Variants in GPR158 observed in about 807,000 individuals in gnomAD.
The protein encoded by GPR158 is metabotropic glycine receptor.
A neutral mutation model predicts 78.2 loss-of-function variants in GPR158; 30 were observed. That is an observed-to-expected ratio of 0.38 (90% CI 0.29 to 0.52). The LOEUF (loss-of-function observed/expected upper bound fraction) is 0.52. Ranked by LOEUF, GPR158 falls within the 20% of genes least tolerant of loss-of-function variation. The pLI, the probability that GPR158 is intolerant of heterozygous loss-of-function variation, is 0.83. For synonymous variants in GPR158, 581 were observed against 591.1 expected (o/e 0.98, Z 0.25); for missense variants, 1,463 against 1,523.5 (o/e 0.96, Z 0.66).
intron 2 of GPR158, among the ~76,000 whole-genome samples, chr10:25,390,202 G>A (rs1834275265): frequency 6.6e-6 from 1 of 152,134 alleles, no homozygotes; most frequent in Non-Finnish European, 1.5e-5. Context: ...GACTAATACA[G>A]TAAATTGGTA....
chr10:25,216,049 A>G (rs1238605356), intron 1 of GPR158, among the ~76,000 whole-genome samples: 1 of 152,222 alleles, frequency 6.6e-6, no homozygotes, highest in Non-Finnish European at 1.5e-5. Context: ...ATTGTCCTTC[A>G]AAACTGACCA....
At chr10:25,362,148 G>A (rs1415955565) in intron 2 of GPR158, among the ~76,000 whole-genome samples, 2 of 151,904 alleles carry the variant, frequency 1.3e-5, no homozygotes, top group African/African-American at 4.8e-5. Flanking sequence ...TATGGCATAA[G>A]GATCCAGCTT....
intron 2 of GPR158, among the ~76,000 whole-genome samples, chr10:25,261,308 C>A (rs1255129188): frequency 1.3e-5 from 2 of 152,128 alleles, no homozygotes; most frequent in Non-Finnish European, 2.9e-5. Flanking sequence ...ACTTCTGAGG[C>A]CAGATGTTCA....
At chr10:25,192,207 A>C (rs1852780262) in intron 1 of GPR158, among the ~76,000 whole-genome samples, 1 of 152,140 alleles carries the variant, frequency 6.6e-6, no homozygotes, top group Non-Finnish European at 1.5e-5. Flanking sequence ...AGTGTGTAGT[A>C]GTCCCTCCTG....
chr10:25,223,308 C>G (rs1040692994), intron 2 of GPR158, among the ~76,000 whole-genome samples: 2 of 152,172 alleles, frequency 1.3e-5, no homozygotes, highest in Admixed American at 6.5e-5. Flanking sequence ...CATTCTCGCC[C>G]CCTTTCATTG....
chr10:25,536,676 T>A (rs1305139069), intron 5 of GPR158, among the ~76,000 whole-genome samples: 1 of 152,246 alleles, frequency 6.6e-6, no homozygotes, highest in African/African-American at 2.4e-5. Context: ...ATCTTTTTTT[T>A]AGTCATATTT....
chr10:25,413,476 G>A (rs1050335088), intron 4 of GPR158, among the ~76,000 whole-genome samples: 5 of 152,136 alleles, frequency 3.3e-5, no homozygotes, highest in Non-Finnish European at 5.9e-5. Flanking sequence ...TGTTGTATTC[G>A]AATTTGTGAT....
intron 7 of GPR158, among the ~76,000 whole-genome samples, chr10:25,574,550 G>A (rs1236904639): frequency 6.6e-6 from 1 of 152,158 alleles, no homozygotes; most frequent in African/African-American, 2.4e-5. Flanking sequence ...CATGGGTAAT[G>A]TTTATATTAC....
intron 2 of GPR158, among the ~76,000 whole-genome samples, chr10:25,377,250 C>T: frequency 6.6e-6 from 1 of 151,648 alleles, no homozygotes; most frequent in Non-Finnish European, 1.5e-5. Context: ...TGTTTAATTC[C>T]AGACTTTTAA....
chr10:25,253,425 G>A (rs1853843455), intron 2 of GPR158, among the ~76,000 whole-genome samples: 1 of 152,116 alleles, frequency 6.6e-6, no homozygotes, highest in Non-Finnish European at 1.5e-5. Context: ...CTATATTTGT[G>A]CTTAAAAGAG....
chr10:25,212,074 A>G (rs1853139152), intron 1 of GPR158, among the ~76,000 whole-genome samples: 1 of 152,146 alleles, frequency 6.6e-6, no homozygotes, highest in African/African-American at 2.4e-5. Context: ...TTATACTTTC[A>G]TTTGATGAGA....
intron 2 of GPR158, among the ~76,000 whole-genome samples, chr10:25,372,805 A>G (rs1053341410): frequency 6.6e-6 from 1 of 151,068 alleles, no homozygotes; most frequent in Non-Finnish European, 1.5e-5. Flanking sequence ...ACAGGTATAC[A>G]TATGTAACTA....
chr10:25,488,932 GA>G (rs536937477), intron 5 of GPR158, among the ~76,000 whole-genome samples: 20 of 151,830 alleles, frequency 1.3e-4, no homozygotes, highest in Non-Finnish European at 2.2e-4. Context: ...TAAAGTTCAT[GA>G]AAAAAAGGGA....
chr10:25,594,451 G>A, intron 9 of GPR158, 54 bp downstream of exon 9: 1 of 788,276 alleles, frequency 1.3e-6, no homozygotes, highest in Non-Finnish European at 2.1e-6. Flanking sequence ...AATGAACATG[G>A]AGTTGTTTAT....
At chr10:25,574,746 ATGG>A (rs1281826477) in intron 7 of GPR158, among the ~76,000 whole-genome samples, 1 of 152,064 alleles carries the variant, frequency 6.6e-6, no homozygotes, top group Non-Finnish European at 1.5e-5. Flanking sequence ...TTAGCCAGAC[ATGG>A]TGGTACACTC....
At chr10:25,329,371 C>CGCT (rs1855086093) in intron 2 of GPR158, among the ~76,000 whole-genome samples, 1 of 150,834 alleles carries the variant, frequency 6.6e-6, no homozygotes, top group South Asian at 2.1e-4. Flanking sequence ...ACCCCGGGGG[C>CGCT]GGAGCTTGCA....
chr10:25,316,118 C>T (rs566301224), intron 2 of GPR158, among the ~76,000 whole-genome samples: 9 of 152,194 alleles, frequency 5.9e-5, no homozygotes, highest in Non-Finnish European at 1.2e-4. Context: ...AATTCTCTTA[C>T]GCTAGTAACT....
At chr10:25,569,135 A>G (rs1268965810) in intron 6 of GPR158, among the ~76,000 whole-genome samples, 3 of 152,200 alleles carry the variant, frequency 2.0e-5, no homozygotes, top group Admixed American at 1.3e-4. Context: ...AAAATCAATA[A>G]TGGAAGACTC....
At chr10:25,553,005 G>C (rs1260272335) in intron 6 of GPR158, among the ~76,000 whole-genome samples, 2 of 152,158 alleles carry the variant, frequency 1.3e-5, no homozygotes, top group African/African-American at 2.4e-5. Flanking sequence ...AGCAGATCAG[G>C]CTTCAGTTTC....
Sources: gnomAD v4.1 joint callset for allele counts (sites outside exome capture counted in the v4.1 genomes callset) on GRCh38, gnomAD v4.1.1 for gene constraint, MANE v1.5 for transcripts, NCBI Gene and HGNC (gene_info 2026-07-23, HGNC 2026-07-21) for gene names.